Variants in MYO9B observed in about 807,000 individuals in gnomAD.
MYO9B encodes myosin IXB, also known as unconventional myosin-IXb.
A neutral mutation model predicts 229.5 loss-of-function variants in MYO9B; 71 were observed. The observed-to-expected ratio is 0.31, with a 90% CI of 0.26 to 0.38. MYO9B has a LOEUF of 0.38. MYO9B is among the 10% of genes least tolerant of loss of function. MYO9B has a pLI of 1.00. For missense variants in MYO9B, 2,255 were observed against 2,920.5 expected (o/e 0.77, Z 5.25); for synonymous variants, 1,185 against 1,235.8 (o/e 0.96, Z 0.86).
At chr19:17,174,775 A>G (rs2072765258) in intron 13 of MYO9B, among the ~76,000 whole-genome samples, 2 of 151,244 alleles carry the variant, frequency 1.3e-5, no homozygotes, top group Non-Finnish European at 2.9e-5. Flanking sequence ...TCTAGTAAAA[A>G]TACAAAAAAT....
intron 22 of MYO9B, among the ~76,000 whole-genome samples, chr19:17,197,228 G>A (rs1292936921): frequency 6.7e-6 from 1 of 149,238 alleles, no homozygotes; most frequent in Non-Finnish European, 1.5e-5. Context: ...AGTGAGCCGA[G>A]ATCACACCAT....
At chr19:17,192,360 C>T (rs1318772199) in intron 20 of MYO9B, among the ~76,000 whole-genome samples, 1 of 150,742 alleles carries the variant, frequency 6.6e-6, no homozygotes, top group East Asian at 2.0e-4. Context: ...TTTGGGAGGC[C>T]AAGGCGGGCA....
intron 2 of MYO9B, among the ~76,000 whole-genome samples, chr19:17,126,707 C>T (rs1417722099): frequency 6.6e-6 from 1 of 150,850 alleles, no homozygotes; most frequent in Non-Finnish European, 1.5e-5. Flanking sequence ...CCCTGTTGCC[C>T]AGGCTGGAAT....
chr19:17,113,191 T>C (rs1009192406), intron 2 of MYO9B, among the ~76,000 whole-genome samples: 6 of 152,126 alleles, frequency 3.9e-5, no homozygotes, highest in African/African-American at 1.2e-4. Context: ...AGACCACTTG[T>C]CACTTTGCTG....
chr19:17,083,228 G>T (rs191666594), intron 1 of MYO9B, among the ~76,000 whole-genome samples: 7 of 151,840 alleles, frequency 4.6e-5, no homozygotes, highest in Non-Finnish European at 1.0e-4. Context: ...TAGAGACAGG[G>T]TTTCACCATG....
At chr19:17,142,035 A>G (rs1163445255) in intron 2 of MYO9B, among the ~76,000 whole-genome samples, 1 of 151,944 alleles carries the variant, frequency 6.6e-6, no homozygotes, top group African/African-American at 2.4e-5. Flanking sequence ...AAAATTAGCC[A>G]AGCATGGTGG....
chr19:17,175,772 A>AATC, intron 14 of MYO9B, 31 bp downstream of exon 14: 1 of 1,500,564 alleles, frequency 6.7e-7, no homozygotes. Flanking sequence ...CCCAAACTGA[A>AATC]ATCATTAGGT....
chr19:17,167,561 C>T (rs999202483), intron 10 of MYO9B, among the ~76,000 whole-genome samples: 13 of 150,152 alleles, frequency 8.7e-5, no homozygotes, highest in Admixed American at 8.0e-4. Context: ...CTCACTGCAA[C>T]CTCCACTTCC....
At chr19:17,160,501 C>CTTT (rs957502995) in intron 8 of MYO9B, among the ~76,000 whole-genome samples, 1 of 118,566 alleles carries the variant, frequency 8.4e-6, no homozygotes, top group South Asian at 2.5e-4. Flanking sequence ...TTAAGAGCTT[C>CTTT]TTTTTTTTCT....
At chr19:17,093,409 C>T (rs1430461318) in intron 1 of MYO9B, among the ~76,000 whole-genome samples, 1 of 152,014 alleles carries the variant, frequency 6.6e-6, no homozygotes, top group Non-Finnish European at 1.5e-5. Context: ...AGTGCGTAAA[C>T]CTCTGTCCAT....
Position 17,194,676 on chromosome 19 carries a change from A to G in MYO9B, c.3249A>G (p.Val1083=). Residue 1083 remains valine (V), a synonymous_variant, in exon 22 of 40, where the codon GTA becomes GTG. Transcript: ENST00000682292. The part of the protein sequence containing the change: ...GQGQAAGGQQ[V]AEQGPEPAED... Reference sequence around the variant, plus strand: ...GTCAGGCGGCTGGAGGGCAGCAGGTAGCTGAGCAGGGGCCGGAGCCAGCGG... The same window carrying G: ...GTCAGGCGGCTGGAGGGCAGCAGGTGGCTGAGCAGGGGCCGGAGCCAGCGG... 6.2e-7 allele frequency: 1 copy of G among 1,612,836 alleles called. No individual in the cohort carries two copies. Among genetic ancestry groups the G allele is most frequent in the African/African-American group, 1.3e-5 (1 of 75,072 alleles).
At chr19:17,118,131 A>T (rs536149593) in intron 2 of MYO9B, among the ~76,000 whole-genome samples, 2 of 152,058 alleles carry the variant, frequency 1.3e-5, no homozygotes, top group Admixed American at 1.3e-4. Flanking sequence ...ATGCTGCTAA[A>T]CACCCCACAG....
chr19:17,174,672 C>T (rs1371341751), intron 13 of MYO9B, among the ~76,000 whole-genome samples: 4 of 151,964 alleles, frequency 2.6e-5, no homozygotes, highest in East Asian at 3.9e-4. Context: ...CGGTGGCTCA[C>T]GTCTGTAATC....
intron 1 of MYO9B, among the ~76,000 whole-genome samples, chr19:17,079,829 C>T (rs751741365): frequency 1.3e-5 from 2 of 152,180 alleles, no homozygotes; most frequent in Non-Finnish European, 2.9e-5. Flanking sequence ...GCCATTCAGA[C>T]GGCCCCAGGC....
intron 26 of MYO9B, among the ~76,000 whole-genome samples, chr19:17,201,184 G>A (rs989081115): frequency 2.0e-5 from 3 of 152,196 alleles, no homozygotes; most frequent in South Asian, 2.1e-4. Context: ...CACAAGCCAC[G>A]ATCGCAGCAC....
At chr19:17,084,819 C>T (rs185535596) in intron 1 of MYO9B, among the ~76,000 whole-genome samples, 54 of 152,034 alleles carry the variant, frequency 3.6e-4, no homozygotes, top group African/African-American at 1.2e-3. Context: ...GCAAAACAAT[C>T]GCTTGAACCC....
At chr19:17,110,763 C>T (rs901530908) in intron 2 of MYO9B, among the ~76,000 whole-genome samples, 2 of 152,162 alleles carry the variant, frequency 1.3e-5, no homozygotes, top group South Asian at 4.1e-4. Flanking sequence ...CGCAGAGGGA[C>T]GCCCCCAGCT....
At chr19:17,076,844 G>A (rs1457980691) in intron 1 of MYO9B, among the ~76,000 whole-genome samples, 1 of 152,166 alleles carries the variant, frequency 6.6e-6, no homozygotes, top group African/African-American at 2.4e-5. Context: ...CACCTCCGCA[G>A]AGCTGCATCC....
Position 17,200,446 on chromosome 19 carries a change from A to T in MYO9B, c.4372+20A>T, listed in dbSNP as rs1427564917. The T allele has an allele frequency of 1.5e-5, 24 of 1,554,994 alleles. No individual in the cohort carries two copies. The East Asian group carries it at 5.7e-4, about 37-fold the overall frequency. Reference sequence around the variant, plus strand: ...TGGAAGGTTGGTAGCCTGCAGCCTCAGGGACAGACAGTAGAGCCACCAGTG... The same window carrying T: ...TGGAAGGTTGGTAGCCTGCAGCCTCTGGGACAGACAGTAGAGCCACCAGTG... On this transcript the variant is annotated intron_variant, in intron 25 of 39. Transcript: ENST00000682292.
Sources: gnomAD v4.1 joint callset for allele counts (sites outside exome capture counted in the v4.1 genomes callset) on GRCh38, gnomAD v4.1.1 for gene constraint, MANE v1.5 for transcripts, NCBI Gene and HGNC (gene_info 2026-07-23, HGNC 2026-07-21) for gene names.